The following NTN1 variants were observed in gnomAD, a reference collection of about 807,000 sequenced individuals.
NTN1 encodes netrin 1.
NTN1 carries 11 observed loss-of-function variants against 54.2 expected under a neutral mutation model. The observed-to-expected ratio is 0.20, with a 90% CI of 0.13 to 0.34. The LOEUF is 0.34. Ranked by LOEUF, NTN1 falls within the 10% of genes least tolerant of loss-of-function variation. The probability of loss-of-function intolerance (pLI) is 1.00; values close to 1 mark genes in which losing one functional copy is unlikely to be tolerated. For synonymous variants in NTN1, 371 were observed against 382.0 expected (o/e 0.97, Z 0.33); for missense variants, 740 against 893.1 (o/e 0.83, Z 2.18).
intron 6 of NTN1, among the ~76,000 whole-genome samples, chr17:9,227,314 CCA>C (rs1395409793): frequency 1.5e-5 from 2 of 136,646 alleles, no homozygotes; most frequent in Non-Finnish European, 3.1e-5. Flanking sequence ...CACAAACACA[CCA>C]CACACATCAA....
chr17:9,133,970 T>G (rs2092273740), intron 2 of NTN1, among the ~76,000 whole-genome samples: 1 of 143,750 alleles, frequency 7.0e-6, no homozygotes, highest in African/African-American at 2.6e-5. Flanking sequence ...AGTGATGTGA[T>G]CTCAGCTCAC....
chr17:9,234,915 C>T (rs996791407), intron 6 of NTN1, among the ~76,000 whole-genome samples: 1 of 151,980 alleles, frequency 6.6e-6, no homozygotes, highest in Non-Finnish European at 1.5e-5. Context: ...TCCTGTATAC[C>T]AGCAGTCCCT....
chr17:9,063,686 T>C (rs1468028602), intron 2 of NTN1, among the ~76,000 whole-genome samples: 1 of 152,182 alleles, frequency 6.6e-6, no homozygotes, highest in East Asian at 1.9e-4. Flanking sequence ...TAGCTGGGAC[T>C]GCAGGTGCCC....
intron 5 of NTN1, among the ~76,000 whole-genome samples, chr17:9,188,631 G>C (rs920578710): frequency 2.0e-5 from 3 of 152,066 alleles, no homozygotes; most frequent in Non-Finnish European, 2.9e-5. Flanking sequence ...CGCCTCACTG[G>C]GAACCTTTGG....
chr17:9,230,593 C>T (rs1375154394), intron 6 of NTN1, among the ~76,000 whole-genome samples: 2 of 152,196 alleles, frequency 1.3e-5, no homozygotes, highest in African/African-American at 4.8e-5. Context: ...CAGAAAAGCC[C>T]CAGAGCCCAC....
At chr17:9,057,088 G>A (rs2091981794) in intron 2 of NTN1, among the ~76,000 whole-genome samples, 1 of 152,068 alleles carries the variant, frequency 6.6e-6, no homozygotes, top group African/African-American at 2.4e-5. Context: ...GGCTGCTTTG[G>A]CTGAAGAAGG....
intron 6 of NTN1, among the ~76,000 whole-genome samples, chr17:9,237,754 C>A (rs959215295): frequency 5.9e-5 from 9 of 152,154 alleles, no homozygotes; most frequent in Non-Finnish European, 1.0e-4. Flanking sequence ...GTGGCTCCCC[C>A]ATTGCTTAGC....
intron 2 of NTN1, among the ~76,000 whole-genome samples, chr17:9,106,341 T>C (rs1306438634): frequency 6.6e-6 from 1 of 152,214 alleles, no homozygotes; most frequent in Non-Finnish European, 1.5e-5. Flanking sequence ...CAACCAAAGA[T>C]GGTTGAAGTG....
At chr17:9,207,740 A>G (rs965834849) in intron 5 of NTN1, among the ~76,000 whole-genome samples, 2 of 152,210 alleles carry the variant, frequency 1.3e-5, no homozygotes, top group Non-Finnish European at 2.9e-5. Context: ...TTCTTGTCCA[A>G]CTAACACCCC....
intron 2 of NTN1, among the ~76,000 whole-genome samples, chr17:9,074,969 T>C (rs1013360431): frequency 1.3e-5 from 2 of 152,200 alleles, no homozygotes; most frequent in African/African-American, 4.8e-5. Flanking sequence ...GATGTGTGCA[T>C]GTGAGTGTGG....
intron 2 of NTN1, among the ~76,000 whole-genome samples, chr17:9,115,617 C>T (rs966547843): frequency 1.3e-5 from 2 of 152,264 alleles, no homozygotes; most frequent in African/African-American, 4.8e-5. Flanking sequence ...ACTCAGAGGC[C>T]TCAGAAGGAA....
chr17:9,058,900 A>G (rs2091987736), intron 2 of NTN1, among the ~76,000 whole-genome samples: 1 of 152,114 alleles, frequency 6.6e-6, no homozygotes, highest in Non-Finnish European at 1.5e-5. Context: ...ATCTGGAGTT[A>G]GACTACCTGG....
chr17:9,145,999 G>A (rs913328860), intron 2 of NTN1, among the ~76,000 whole-genome samples: 1 of 152,170 alleles, frequency 6.6e-6, no homozygotes, highest in African/African-American at 2.4e-5. Context: ...AGCCTCTGCG[G>A]GCTGGAAGAA....
Position 9,022,466 on chromosome 17 carries a change from C to G in NTN1, c.93C>G (p.Phe31Leu). Reference protein sequence around the residue: ...AVRGGPGLSMFAGQAAQPDPC... With the variant: ...AVRGGPGLSMLAGQAAQPDPC... ...GCGGCGGGCCCGGGCTCAGCATGTT[C>G]GCGGGCCAGGCGGCGCAGCCCGATC... is the stretch of plus-strand genomic sequence containing the variant. The change falls in exon 2 of 7, where the codon TTC becomes TTG. Residue 31 changes from phenylalanine to leucine, a missense_variant. Transcript: ENST00000173229. The G allele has an allele frequency of 1.3e-6, 2 of 1,520,254 alleles. No individual in the cohort carries two copies. Among genetic ancestry groups the G allele is most frequent in the South Asian group, 2.4e-5 (2 of 81,680 alleles). 94.2% of individuals were successfully genotyped at this position (1,520,254 alleles called of 1,614,324 possible).
intron 2 of NTN1, among the ~76,000 whole-genome samples, chr17:9,041,090 T>A (rs1012740403): frequency 2.4e-4 from 36 of 152,234 alleles, no homozygotes; most frequent in African/African-American, 2.6e-4. Context: ...GCTCTTTTTT[T>A]AAAAAATATT....
intron 6 of NTN1, among the ~76,000 whole-genome samples, chr17:9,226,149 A>AGG (rs1351733208): frequency 3.0e-4 from 14 of 46,036 alleles, no homozygotes; most frequent in Admixed American, 6.5e-4. Flanking sequence ...AGCAAGGCAA[A>AGG]GGGATTTGGG....
chr17:9,210,794 T>C (rs917801995), intron 5 of NTN1, among the ~76,000 whole-genome samples: 6 of 151,058 alleles, frequency 4.0e-5, no homozygotes, highest in Admixed American at 1.3e-4. Context: ...TAATCCCAGC[T>C]ACTTGGGAGG....
chr17:9,067,951 T>A (rs541638032), intron 2 of NTN1, among the ~76,000 whole-genome samples: 3 of 152,240 alleles, frequency 2.0e-5, no homozygotes, highest in Admixed American at 2.0e-4. Flanking sequence ...CCGGGCATGC[T>A]GGTGTGCGCC....
At chr17:9,197,244 A>G (rs901301944) in intron 5 of NTN1, among the ~76,000 whole-genome samples, 9 of 152,140 alleles carry the variant, frequency 5.9e-5, no homozygotes, top group African/African-American at 9.7e-5. Flanking sequence ...CAGTGAGTCA[A>G]TGGCAGAACC....
Sources: gnomAD v4.1 joint callset for allele counts (sites outside exome capture counted in the v4.1 genomes callset) on GRCh38, gnomAD v4.1.1 for gene constraint, MANE v1.5 for transcripts, NCBI Gene and HGNC (gene_info 2026-07-23, HGNC 2026-07-21) for gene names.